LIMS1: variants seen among roughly 807,000 people sequenced by gnomAD.
LIMS1 encodes LIM zinc finger domain containing 1, also known as LIM and senescent cell antigen-like-containing domain protein 1.
LIMS1 carries 18 observed loss-of-function variants against 44.1 expected under a neutral mutation model. The observed-to-expected ratio is 0.41, with a 90% CI of 0.28 to 0.61. The LOEUF (loss-of-function observed/expected upper bound fraction) is 0.61. LIMS1 is among the 20% of genes least tolerant of loss of function. The pLI is 0.32. For synonymous variants in LIMS1, 93 were observed against 149.1 expected (o/e 0.62, Z 2.74); for missense variants, 201 against 422.0 (o/e 0.48, Z 4.59).
At chr2:108,607,223 T>C (rs1381191229) in intron 1 of LIMS1, 10 of 1,551,030 alleles carry the variant, frequency 6.4e-6, no homozygotes, top group Non-Finnish European at 8.7e-6. Flanking sequence ...AGCCAGCTGA[T>C]GAGGGACACA....
intron 1 of LIMS1, among the ~76,000 whole-genome samples, chr2:108,556,978 C>T (rs530423147): frequency 2.4e-4 from 36 of 152,304 alleles, no homozygotes; most frequent in African/African-American, 8.2e-4. Flanking sequence ...CTGACCCCTT[C>T]TTTAAAACAG....
intron 1 of LIMS1, among the ~76,000 whole-genome samples, chr2:108,590,009 C>G (rs1210079360): frequency 2.0e-5 from 3 of 152,170 alleles, no homozygotes; most frequent in Non-Finnish European, 4.4e-5. Flanking sequence ...GCAGGCCACT[C>G]TTAAAGGAAC....
chr2:108,573,652 A>G (rs1685566033), intron 1 of LIMS1, among the ~76,000 whole-genome samples: 1 of 152,228 alleles, frequency 6.6e-6, no homozygotes. Context: ...AGCAGAGCAG[A>G]CAGAACTCTC....
chr2:108,651,014 G>A (rs899665972), intron 1 of LIMS1, among the ~76,000 whole-genome samples: 1 of 152,002 alleles, frequency 6.6e-6, no homozygotes, highest in Non-Finnish European at 1.5e-5. Flanking sequence ...ATGGAATAAT[G>A]CGAGCAACTA....
At chr2:108,588,836 T>A (rs1055565786) in intron 1 of LIMS1, among the ~76,000 whole-genome samples, 1 of 152,240 alleles carries the variant, frequency 6.6e-6, no homozygotes, top group Non-Finnish European at 1.5e-5. Context: ...TGTATTTAAT[T>A]ATTGAAATAT....
chr2:108,579,180 C>G (rs1685792233), intron 1 of LIMS1, among the ~76,000 whole-genome samples: 1 of 151,962 alleles, frequency 6.6e-6, no homozygotes, highest in Admixed American at 6.6e-5. Context: ...GAATTTTCAC[C>G]TTTATAATTT....
rs548602682 is a variant in LIMS1 at position 108,534,648 on chromosome 2, G to A, written c.32+54G>A. ...ACGTCCGCCCCGCAGCTCCCGGCGG[G>A]CCTTCGGGCCGGGCCGGGCCGGGCC... On this transcript the variant is annotated intron_variant, in intron 1 of 9. Coordinates refer to ENST00000544547, the Ensembl canonical transcript of LIMS1. 2.4e-3 allele frequency: 2,415 copies of A among 1,022,066 alleles called. 47 individuals carry two copies. In the African/African-American group the frequency reaches 0.039, roughly 17 times the overall value. The allele number at this position is 1,022,066 out of a possible 1,614,324, so 63.3% of individuals were successfully genotyped here.
intron 1 of LIMS1, among the ~76,000 whole-genome samples, chr2:108,635,484 A>G (rs867131947): frequency 6.6e-6 from 1 of 151,150 alleles, no homozygotes; most frequent in Non-Finnish European, 1.5e-5. Flanking sequence ...CAGGAGGCCA[A>G]GGCGGGTGGA....
intron 1 of LIMS1, among the ~76,000 whole-genome samples, chr2:108,649,826 G>T (rs1346464612): frequency 6.6e-6 from 1 of 152,122 alleles, no homozygotes; most frequent in Non-Finnish European, 1.5e-5. Flanking sequence ...CGGTGGGTGG[G>T]GGATAGGGGA....
chr2:108,673,537 C>T (rs1452392597), intron 5 of LIMS1: 1 of 169,046 alleles, frequency 5.9e-6, no homozygotes, highest in Non-Finnish European at 1.3e-5. Flanking sequence ...CAGGCACACA[C>T]CACCCTTCCT....
chr2:108,593,407 A>G (rs186239994), intron 1 of LIMS1, among the ~76,000 whole-genome samples: 50 of 152,108 alleles, frequency 3.3e-4, no homozygotes, highest in African/African-American at 1.1e-3. Flanking sequence ...CCTGCCTTCT[A>G]TAAAGGAATG....
At chr2:108,538,418 T>C (rs1486628810) in intron 1 of LIMS1, among the ~76,000 whole-genome samples, 1 of 152,196 alleles carries the variant, frequency 6.6e-6, no homozygotes, top group Non-Finnish European at 1.5e-5. Flanking sequence ...GCGGGACAGC[T>C]GCAGATAAAG....
Position 108,634,410 on chromosome 2 carries a change from C to T in LIMS1, c.33-25195C>T, listed in dbSNP as rs113717061. On this transcript the variant is annotated intron_variant, in intron 1 of 9. Coordinates refer to ENST00000544547, the Ensembl canonical transcript of LIMS1. ...CATCTCCTAAAAGCTCATTTTGTAACAGAAATTGTCCAGACTGTTACTGCA... is the reference window on the plus strand; with the variant it reads ...CATCTCCTAAAAGCTCATTTTGTAATAGAAATTGTCCAGACTGTTACTGCA... Among the ~76,000 whole-genome samples, 596 of 152,314 alleles carry T rather than the reference C, an allele frequency of 3.9e-3. 1 individual carries two copies. The highest frequency in any genetic ancestry group is 0.012 in the African/African-American group (489 of 41,556).
chr2:108,648,122 A>G (rs1395068122), intron 1 of LIMS1, among the ~76,000 whole-genome samples: 2 of 152,182 alleles, frequency 1.3e-5, no homozygotes, highest in Non-Finnish European at 2.9e-5. Context: ...CAAATTCTCC[A>G]GATACAAAAT....
At chr2:108,684,128 A>AT (rs375231414) in exon 10 of LIMS1, 35 of 486,364 alleles carry the variant, frequency 7.2e-5, no homozygotes, top group African/African-American at 4.3e-4. Context: ...GTTTTATGTC[A>AT]TTTTTTTAAT....
intron 1 of LIMS1, among the ~76,000 whole-genome samples, chr2:108,595,212 G>A (rs1686613463): frequency 2.0e-5 from 3 of 152,140 alleles, no homozygotes; most frequent in Admixed American, 1.3e-4. Context: ...TGGGGGTTGC[G>A]AGGATGCTGT....
chr2:108,657,632 C>G (rs1490679448), intron 1 of LIMS1, among the ~76,000 whole-genome samples: 4 of 152,304 alleles, frequency 2.6e-5, no homozygotes, highest in Non-Finnish European at 5.9e-5. Context: ...AGATTTTTTC[C>G]CCAACCTACA....
At position 108,654,452 on chromosome 2, in the gene LIMS1, G is replaced by GTGA. The variant is rs202026775; in HGVS notation, c.33-5151_33-5149dup. On this transcript the variant is annotated intron_variant, in intron 1 of 9. Transcript: ENST00000544547. ...TTGTGACTATGTACCAGTAGCAAAG[G>GTGA]TGATAGAAGTCAAACATAGCTCTTA... 3.3e-3 allele frequency among the ~76,000 whole-genome samples: 504 copies of GTGA among 152,198 alleles called. 3 individuals carry two copies. The highest frequency in any genetic ancestry group is 0.012 in the African/African-American group (482 of 41,520).
chr2:108,595,062 C>T lies in LIMS1; in HGVS notation c.32+60468C>T, dbSNP rs555058446. 3.1e-4 allele frequency among the ~76,000 whole-genome samples: 47 copies of T among 152,226 alleles called. 2 individuals carry two copies. In the South Asian group the frequency reaches 9.3e-3, roughly 30 times the overall value. Reference sequence around the variant, plus strand: ...CAGGGCTGCTCTTGAAAGAATGTGACCATATCATGCAAGGACATTACTGAC... The same window carrying T: ...CAGGGCTGCTCTTGAAAGAATGTGATCATATCATGCAAGGACATTACTGAC... On this transcript the variant is annotated intron_variant, in intron 1 of 9. Coordinates refer to ENST00000544547, the Ensembl canonical transcript of LIMS1.
Sources: gnomAD v4.1 joint callset for allele counts (sites outside exome capture counted in the v4.1 genomes callset) on GRCh38, gnomAD v4.1.1 for gene constraint, MANE v1.5 for transcripts, NCBI Gene and HGNC (gene_info 2026-07-23, HGNC 2026-07-21) for gene names.